The following STK38L variants were observed in gnomAD, a reference collection of about 807,000 sequenced individuals.
STK38L encodes serine/threonine-protein kinase 38-like.
A neutral mutation model predicts 59.7 loss-of-function variants in STK38L; 28 were observed. That is an observed-to-expected ratio of 0.47 (90% confidence interval 0.35 to 0.64). The LOEUF (loss-of-function observed/expected upper bound fraction) is 0.64, where lower values mean the gene tolerates loss of function less well. Ranked by LOEUF, STK38L falls within the 30% of genes least tolerant of loss-of-function variation. The pLI, the probability that STK38L is intolerant of heterozygous loss-of-function variation, is 0.01. For synonymous variants in STK38L, 162 were observed against 176.8 expected (o/e 0.92, Z 0.66); for missense variants, 314 against 555.8 (o/e 0.56, Z 4.37).
At chr12:27,282,515 A>G (rs2136627304) in intron 1 of STK38L, among the ~76,000 whole-genome samples, 1 of 151,908 alleles carries the variant, frequency 6.6e-6, no homozygotes, top group East Asian at 2.0e-4. Flanking sequence ...AAAGGAATGT[A>G]TAAGCAAAAC....
rs77977830 is a variant in STK38L, at chr12:27,295,542, G to A, written c.-11-2168G>A. ...TAATTCTTTCAACTACTGTTACTGC[G>A]CCCCCTCCCTCCCCCCAATCAATAG... is the stretch of plus-strand genomic sequence containing the variant. On this transcript the variant is annotated intron_variant, in intron 1 of 13. Coordinates refer to ENST00000389032, the MANE Select transcript of STK38L (RefSeq NM_015000.4). Among the ~76,000 whole-genome samples, 410 of 151,942 alleles carry A rather than the reference G, an allele frequency of 2.7e-3. 3 individuals carry two copies. Among genetic ancestry groups the A allele is most frequent in the African/African-American group, 9.0e-3 (374 of 41,404 alleles).
chr12:27,313,346 T>C (rs1944504738), intron 6 of STK38L, among the ~76,000 whole-genome samples: 1 of 151,866 alleles, frequency 6.6e-6, no homozygotes, highest in East Asian at 1.9e-4. Context: ...AGAATGGCAA[T>C]GGAGGGCAAA....
intron 1 of STK38L, among the ~76,000 whole-genome samples, chr12:27,256,896 C>T (rs183218307): frequency 6.6e-6 from 1 of 152,254 alleles, no homozygotes; most frequent in Admixed American, 6.5e-5. Flanking sequence ...TGTTTTCTCT[C>T]TTAAAATATG....
chr12:27,262,429 A>G (rs1026599), intron 1 of STK38L, among the ~76,000 whole-genome samples: 92,455 of 152,150 alleles, frequency 0.61, 28,594 homozygotes, highest in Non-Finnish European at 0.65. Flanking sequence ...AGAAAGCACT[A>G]TAGAAACTTT....
At chr12:27,287,880 A>AGGTTT (rs778113394) in intron 1 of STK38L, among the ~76,000 whole-genome samples, 3 of 152,048 alleles carry the variant, frequency 2.0e-5, no homozygotes, top group Non-Finnish European at 2.9e-5. Flanking sequence ...TTTAAAATCA[A>AGGTTT]GGTTTGGTTT....
At chr12:27,317,501 G>C in intron 10 of STK38L, 48 bp downstream of exon 10, 1 of 1,411,576 alleles carries the variant, frequency 7.1e-7, no homozygotes, top group Non-Finnish European at 9.8e-7. Flanking sequence ...ATTTCCTTGA[G>C]TGCCATTGTT....
rs1454803461 is a variant in STK38L at position 27,308,085 on chromosome 12, A to G, written c.187-254A>G. ...GAATTGTTACCATATAGATGAAAGA[A>G]TAAGTTATACATATATATATATATA... On this transcript the variant is annotated intron_variant, in intron 3 of 13. Coordinates refer to ENST00000389032, the MANE Select transcript of STK38L (RefSeq NM_015000.4). The surrounding 1 kb of genome is among the most constrained non-coding windows in gnomAD (Gnocchi z 4.5). Among the ~76,000 whole-genome samples, 2 of 102,892 alleles carry G rather than the reference A, an allele frequency of 1.9e-5. No homozygotes were observed. The highest frequency in any genetic ancestry group is 3.8e-5 in the Non-Finnish European group (2 of 52,064). The allele number at this position is 102,892 out of a possible 152,430, so 67.5% of individuals were successfully genotyped here.
chr12:27,275,635 G>C (rs1205503047), intron 1 of STK38L, among the ~76,000 whole-genome samples: 1 of 152,106 alleles, frequency 6.6e-6, no homozygotes, highest in Non-Finnish European at 1.5e-5. Context: ...CACCACGCCC[G>C]GACTGATTAG....
At chr12:27,309,398 A>G (rs1390074341) in intron 5 of STK38L, among the ~76,000 whole-genome samples, 9 of 152,216 alleles carry the variant, frequency 5.9e-5, no homozygotes, top group Non-Finnish European at 1.2e-4. Flanking sequence ...TTAGACTTCC[A>G]TAACAGAACA....
At chr12:27,313,248 C>T (rs1285675512) in intron 6 of STK38L, among the ~76,000 whole-genome samples, 1 of 105,824 alleles carries the variant, frequency 9.4e-6, no homozygotes, top group Non-Finnish European at 2.1e-5. Flanking sequence ...GACTACGTCT[C>T]AAAAAAAAAA....
At chr12:27,285,923 G>A (rs2136629897) in intron 1 of STK38L, among the ~76,000 whole-genome samples, 1 of 152,184 alleles carries the variant, frequency 6.6e-6, no homozygotes, top group Admixed American at 6.5e-5. Context: ...GTTTTGATAT[G>A]GTCCTTTCTA....
Position 27,308,905 on chromosome 12 carries a change from TATAA to T in STK38L, c.310-205_310-202del. Among the ~76,000 whole-genome samples the T allele has an allele frequency of 6.8e-6, 1 of 146,114 alleles. No individual in the cohort carries two copies. The highest frequency in any genetic ancestry group is 2.5e-5 in the African/African-American group (1 of 40,402). ...ATATAAATGTAAATATATAAATATA[TATAA>T]ATATATATTAATATATATAAAATAT... is the stretch of plus-strand genomic sequence containing the variant. On this transcript the variant is annotated intron_variant, in intron 4 of 13. Transcript: ENST00000389032. This position sits in a 1 kb window ranked among gnomAD's most constrained non-coding sequence, Gnocchi z 4.5.
intron 1 of STK38L, among the ~76,000 whole-genome samples, chr12:27,258,380 A>G (rs984349399): frequency 8.6e-5 from 13 of 151,994 alleles, no homozygotes; most frequent in Non-Finnish European, 1.8e-4. Context: ...GCTAGAGTGC[A>G]GTGGCATGAT....
At chr12:27,321,192 A>G (rs1254088813) in intron 12 of STK38L, among the ~76,000 whole-genome samples, 3 of 152,362 alleles carry the variant, frequency 2.0e-5, no homozygotes, top group South Asian at 2.1e-4. Context: ...TAAAAAATAT[A>G]TATGGTTTTA....
chr12:27,246,673 ATCC>A (rs1456461324), intron 1 of STK38L, among the ~76,000 whole-genome samples: 1 of 152,250 alleles, frequency 6.6e-6, no homozygotes, highest in Non-Finnish European at 1.5e-5. Flanking sequence ...CATGAAGCAT[ATCC>A]TCCTCTTCTT....
chr12:27,297,727 A>T lies in STK38L; in HGVS notation c.7A>T (p.Met3Leu), dbSNP rs1326997121. ...TGTTTCAGTTTCCGTTACTATGGCA[A>T]TGACGGCAGGGACTACAACAACCTT... is the stretch of plus-strand genomic sequence containing the variant. MA[M>L]TAGTTTTFPM... Residue 3 changes from methionine (M) to leucine (L), a missense_variant, in exon 2 of 14, where the codon ATG becomes TTG. Around this residue, in one of 3 missense-constraint regions of STK38L, gnomAD observed 192 missense variants for 316.9 expected, o/e 0.61. Transcript: ENST00000389032. 1 of 1,612,418 alleles carries T rather than the reference A, an allele frequency of 6.2e-7. No homozygotes were observed. Among genetic ancestry groups the T allele is most frequent in the Non-Finnish European group, 8.5e-7 (1 of 1,179,308 alleles).
chr12:27,298,586 A>G (rs1944088036), intron 2 of STK38L, among the ~76,000 whole-genome samples: 1 of 152,276 alleles, frequency 6.6e-6, no homozygotes, highest in South Asian at 2.1e-4. Context: ...ACACATAAAT[A>G]TATAAATGAA....
chr12:27,309,265 T>TCTGTC, intron 5 of STK38L, 68 bp downstream of exon 5: 1 of 1,205,816 alleles, frequency 8.3e-7, no homozygotes, highest in Non-Finnish European at 1.1e-6. Context: ...GTGTTTATAT[T>TCTGTC]AGAATTTTTA....
At chr12:27,317,769 T>G in intron 10 of STK38L, 127 bp from the exon 11 acceptor site, 1 of 1,136,876 alleles carries the variant, frequency 8.8e-7, no homozygotes. Context: ...AATTGATGAA[T>G]GGTGGCATTT....
Sources: allele counts gnomAD v4.1 joint callset (sites outside exome capture counted in the v4.1 genomes callset), GRCh38; gene constraint gnomAD v4.1.1; regional missense constraint gnomAD v4.1.1; non-coding constraint Gnocchi (gnomAD v3.1); transcripts MANE v1.5; gene names NCBI Gene and HGNC (gene_info 2026-07-23, HGNC 2026-07-21).